WWOX: variants seen among roughly 807,000 people sequenced by gnomAD.
WWOX encodes the protein WW domain-containing oxidoreductase.
WWOX carries 69 observed loss-of-function variants against 46.2 expected under a neutral mutation model. The ratio of observed to expected loss-of-function variants is 1.49; its 90% confidence interval spans 1.23 to 1.82. WWOX has a LOEUF of 1.82. WWOX is among the 40% of genes most tolerant of loss of function. The pLI is 0.00. For missense variants in WWOX, 919 were observed against 542.6 expected, an observed-to-expected ratio of 1.69 and a Z score of -6.89; for synonymous variants, 359 against 202.6, an observed-to-expected ratio of 1.77 and a Z score of -6.56.
intron 8 of WWOX, among the ~76,000 whole-genome samples, chr16:79,010,403 C>A (rs955112495): frequency 6.6e-6 from 1 of 152,090 alleles, no homozygotes; most frequent in Non-Finnish European, 1.5e-5. Context: ...CTCAAAGGAC[C>A]TATGTTTGCT....
intron 8 of WWOX, among the ~76,000 whole-genome samples, chr16:78,611,379 G>T (rs879888406): frequency 1.3e-5 from 2 of 152,210 alleles, no homozygotes; most frequent in Admixed American, 1.3e-4. Flanking sequence ...TGGGGGCCAA[G>T]GAGATTACTT....
intron 5 of WWOX, among the ~76,000 whole-genome samples, chr16:78,193,845 T>G (rs1276286700): frequency 6.7e-6 from 1 of 150,320 alleles, no homozygotes; most frequent in Non-Finnish European, 1.5e-5. Flanking sequence ...TTATTTTCAA[T>G]TTTTTATTTT....
intron 8 of WWOX, among the ~76,000 whole-genome samples, chr16:78,871,324 T>G (rs180761508): frequency 6.6e-6 from 1 of 152,306 alleles, no homozygotes. Flanking sequence ...CATGTCACAG[T>G]GGCAGGAGAG....
At chr16:79,193,786 G>C (rs378819) in intron 8 of WWOX, among the ~76,000 whole-genome samples, 4 of 152,032 alleles carry the variant, frequency 2.6e-5, no homozygotes, top group East Asian at 3.9e-4. Context: ...CCTCACAAAG[G>C]GGGTGGCAGC....
intron 7 of WWOX, among the ~76,000 whole-genome samples, chr16:78,428,118 A>G (rs2083130149): frequency 6.6e-6 from 1 of 152,236 alleles, no homozygotes; most frequent in Non-Finnish European, 1.5e-5. Flanking sequence ...ATAGAAATAC[A>G]AGATTTGTGA....
At chr16:78,874,222 C>G (rs2044187282) in intron 8 of WWOX, among the ~76,000 whole-genome samples, 1 of 149,120 alleles carries the variant, frequency 6.7e-6, no homozygotes, top group Admixed American at 6.7e-5. Context: ...CGCCGCTGCA[C>G]TCTAGCATGG....
chr16:79,105,412 A>G (rs1173705723), intron 8 of WWOX, among the ~76,000 whole-genome samples: 2 of 152,128 alleles, frequency 1.3e-5, no homozygotes, highest in Non-Finnish European at 2.9e-5. Context: ...TCATACCCAT[A>G]TCTATACACC....
chr16:78,449,775 T>A (rs1233447906), intron 8 of WWOX, among the ~76,000 whole-genome samples: 1 of 152,202 alleles, frequency 6.6e-6, no homozygotes, highest in Admixed American at 6.5e-5. Context: ...AGTCAAGTAT[T>A]TGCTTTCATG....
chr16:78,996,961 G>C (rs746550286), intron 8 of WWOX, among the ~76,000 whole-genome samples: 1 of 152,226 alleles, frequency 6.6e-6, no homozygotes, highest in East Asian at 1.9e-4. Context: ...CTGGGAGGGC[G>C]AGGTGCGGAT....
chr16:78,755,771 T>G (rs1182505491), intron 8 of WWOX, among the ~76,000 whole-genome samples: 1 of 152,178 alleles, frequency 6.6e-6, no homozygotes, highest in East Asian at 1.9e-4. Flanking sequence ...GGCATGGGGA[T>G]AATTACAAAA....
At position 78,529,696 on chromosome 16, in the gene WWOX, T is replaced by A. The variant is rs376269617; in HGVS notation, c.1056+96944T>A. Among the ~76,000 whole-genome samples, 349 of 152,076 alleles carry A rather than the reference T, an allele frequency of 2.3e-3. 4 individuals are homozygous for A. The Middle Eastern group carries it at 0.044, about 19-fold the overall frequency. ...GTTAGGCAGGATGGTCTCGATCTCC[T>A]GACCTCGTGATCCACCCACCTCGGC... On this transcript the variant is annotated intron_variant, in intron 8 of 8. Transcript: ENST00000566780.
At chr16:78,646,683 C>T (rs912393950) in intron 8 of WWOX, among the ~76,000 whole-genome samples, 4 of 152,176 alleles carry the variant, frequency 2.6e-5, no homozygotes, top group African/African-American at 9.7e-5. Context: ...CCTACTGGGC[C>T]TCCCGTAGTG....
At chr16:78,895,678 CTAT>C (rs2044685672) in intron 8 of WWOX, 1 of 152,212 alleles carries the variant, frequency 6.6e-6, no homozygotes, top group Admixed American at 6.5e-5. Flanking sequence ...CCTTCTACTA[CTAT>C]TATCTTGCCC....
At chr16:78,399,001 G>A (rs1485220606) in intron 6 of WWOX, among the ~76,000 whole-genome samples, 1 of 152,038 alleles carries the variant, frequency 6.6e-6, no homozygotes, top group African/African-American at 2.4e-5. Flanking sequence ...TACAAGGAAG[G>A]GGATGAGTGG....
intron 8 of WWOX, among the ~76,000 whole-genome samples, chr16:78,890,041 G>A (rs544921108): frequency 6.6e-5 from 10 of 151,852 alleles, no homozygotes; most frequent in Admixed American, 2.0e-4. Context: ...AAACCAAGTG[G>A]CACAAAAACA....
intron 8 of WWOX, among the ~76,000 whole-genome samples, chr16:78,868,988 C>T (rs535561047): frequency 1.3e-5 from 2 of 151,874 alleles, no homozygotes; most frequent in Admixed American, 6.6e-5. Flanking sequence ...CACATGCATG[C>T]GATCTGTAAA....
chr16:78,893,288 C>G (rs2044630542), intron 8 of WWOX, among the ~76,000 whole-genome samples: 1 of 152,132 alleles, frequency 6.6e-6, no homozygotes, highest in Non-Finnish European at 1.5e-5. Flanking sequence ...CCCAGTGCCA[C>G]AGTAAGCACA....
rs576284450 is a variant in WWOX at position 78,580,067 on chromosome 16, C to T, written c.1056+147315C>T. Among the ~76,000 whole-genome samples the T allele has an allele frequency of 1.7e-3, 257 of 149,946 alleles. 2 individuals are homozygous for T. Among genetic ancestry groups the T allele is most frequent in the African/African-American group, 5.8e-3 (237 of 40,640 alleles). On this transcript the variant is annotated intron_variant, in intron 8 of 8. Coordinates refer to ENST00000566780, the MANE Select transcript of WWOX (RefSeq NM_016373.4). ...GGGCCATGTTTGCTGTTTTCTTTGA[C>T]AGAGGAAATTTTTTTTTTTTTTTTG...
intron 8 of WWOX, among the ~76,000 whole-genome samples, chr16:78,881,126 G>A (rs2044335264): frequency 6.6e-6 from 1 of 151,820 alleles, no homozygotes; most frequent in Admixed American, 6.6e-5. Flanking sequence ...CAAGGGAGCT[G>A]GGACCACAGG....
Sources: allele counts gnomAD v4.1 joint callset (sites outside exome capture counted in the v4.1 genomes callset), GRCh38; gene constraint gnomAD v4.1.1; transcripts MANE v1.5; gene names NCBI Gene and HGNC (gene_info 2026-07-23, HGNC 2026-07-21).